HECW2: variants seen among roughly 807,000 people sequenced by gnomAD.
The protein encoded by HECW2 is HECT, C2 and WW domain containing E3 ubiquitin protein ligase 2, also known as E3 ubiquitin-protein ligase HECW2.
In HECW2, 61 loss-of-function variants were observed where a neutral mutation model predicts 175.2. The ratio of observed to expected loss-of-function variants is 0.35; its 90% CI spans 0.28 to 0.43. HECW2 has a LOEUF of 0.43. HECW2 is among the 20% of genes least tolerant of loss of function. HECW2 has a pLI of 1.00. For synonymous variants in HECW2, 671 were observed against 731.0 expected, an observed-to-expected ratio of 0.92 and a Z score of 1.32; for missense variants, 1,524 against 2,000.5, an observed-to-expected ratio of 0.76 and a Z score of 4.54.
At chr2:196,384,985 C>G (rs1276363587) in intron 2 of HECW2, among the ~76,000 whole-genome samples, 1 of 152,026 alleles carries the variant, frequency 6.6e-6, no homozygotes, top group Non-Finnish European at 1.5e-5. Flanking sequence ...GGCACAATCA[C>G]AGCTCACTGC....
intron 1 of HECW2, among the ~76,000 whole-genome samples, chr2:196,486,831 C>T (rs187534193): frequency 2.1e-4 from 32 of 152,250 alleles, no homozygotes; most frequent in African/African-American, 6.5e-4. Flanking sequence ...AGCAGCTTCA[C>T]CTCTATTCAC....
chr2:196,495,304 G>T (rs181416460), intron 1 of HECW2, among the ~76,000 whole-genome samples: 3 of 152,220 alleles, frequency 2.0e-5, no homozygotes, highest in Admixed American at 6.5e-5. Flanking sequence ...CCGATCTCGT[G>T]ATCTGTCCAC....
At chr2:196,584,649 C>T (rs1690912897) in intron 1 of HECW2, among the ~76,000 whole-genome samples, 1 of 151,934 alleles carries the variant, frequency 6.6e-6, no homozygotes, top group Non-Finnish European at 1.5e-5. Flanking sequence ...CTTAGCATCC[C>T]CAGTTCTCTA....
At chr2:196,418,212 T>A (rs1695308381) in intron 2 of HECW2, among the ~76,000 whole-genome samples, 1 of 151,918 alleles carries the variant, frequency 6.6e-6, no homozygotes, top group Non-Finnish European at 1.5e-5. Flanking sequence ...CACTGCAAGC[T>A]CTGCCTCCCG....
intron 1 of HECW2, among the ~76,000 whole-genome samples, chr2:196,451,771 T>C (rs186727177): frequency 1.3e-5 from 2 of 152,234 alleles, no homozygotes; most frequent in East Asian, 3.9e-4. Context: ...TGGTGGCACA[T>C]ACTTCTAATC....
chr2:196,331,918 G>A (rs1692375498), intron 4 of HECW2, among the ~76,000 whole-genome samples: 1 of 152,078 alleles, frequency 6.6e-6, no homozygotes, highest in Non-Finnish European at 1.5e-5. Flanking sequence ...ATTCATTCCA[G>A]GAAAACCCAG....
chr2:196,384,531 G>A (rs1291136454), intron 2 of HECW2, among the ~76,000 whole-genome samples: 1 of 152,098 alleles, frequency 6.6e-6, no homozygotes, highest in Admixed American at 6.6e-5. Context: ...GCAGTGAGCC[G>A]AGACAGCACT....
At chr2:196,541,532 G>A (rs887309559) in intron 1 of HECW2, among the ~76,000 whole-genome samples, 1 of 152,098 alleles carries the variant, frequency 6.6e-6, no homozygotes, top group African/African-American at 2.4e-5. Context: ...AATGATGAAA[G>A]CACGGAGGAA....
intron 1 of HECW2, among the ~76,000 whole-genome samples, chr2:196,583,526 C>T (rs1415495310): frequency 1.3e-5 from 2 of 152,188 alleles, no homozygotes; most frequent in African/African-American, 4.8e-5. Context: ...CCCTGGTGAT[C>T]CTGATGCTGC....
Position 196,461,463 on chromosome 2 carries a change from A to G in HECW2, c.-35-28005T>C, listed in dbSNP as rs1351658893. Among the ~76,000 whole-genome samples the G allele has an allele frequency of 2.0e-5, 3 of 152,186 alleles. No homozygotes were observed. The East Asian group carries it at 5.8e-4, about 29-fold the overall frequency. On this transcript the variant is annotated intron_variant, in intron 1 of 28. Transcript: ENST00000644978. The stretch of plus-strand genomic sequence containing the variant: ...GGAAAACCATTTTCATACACACACC[A>G]TGCCATTCGGCTTTTCCACTCCTAA...
chr2:196,194,898 A>C lies in HECW2; in HGVS notation c.*6379T>G, dbSNP rs1686637277. 6.6e-6 allele frequency: 1 copy of C among 152,204 alleles called. No homozygotes were observed. Among genetic ancestry groups the C allele is most frequent in the Non-Finnish European group, 1.5e-5 (1 of 68,038 alleles). The allele number at this position is 152,204 out of a possible 1,614,324, so 9.4% of individuals were successfully genotyped here. A position where few individuals can be genotyped will look rare whatever the true frequency, so the allele number is the denominator to read the frequency against. On this transcript the variant is annotated 3_prime_UTR_variant, in exon 29 of 29. Transcript: ENST00000644978. ...AAAATACACCACCTGTGTTCTACTG[A>C]AATCTTAGAAATAATTTTTTTACAG...
chr2:196,444,024 G>A lies in HECW2; in HGVS notation c.-35-10566C>T, dbSNP rs553228515. Among the ~76,000 whole-genome samples, 4 of 152,312 alleles carry A rather than the reference G, an allele frequency of 2.6e-5. No homozygotes were observed. The South Asian group carries it at 6.2e-4, about 24-fold the overall frequency. On this transcript the variant is annotated intron_variant, in intron 1 of 28. Transcript: ENST00000644978. The stretch of plus-strand genomic sequence containing the variant: ...CACTCCAGCCTGGGCAACAGAGTGA[G>A]ACCCTGTGGCAAAAATAAAAACAAA...
chr2:196,475,448 C>T (rs1453779093), intron 1 of HECW2, among the ~76,000 whole-genome samples: 5 of 151,780 alleles, frequency 3.3e-5, no homozygotes, highest in South Asian at 4.2e-4. Flanking sequence ...AAAAGGAGGG[C>T]GGCTCACATA....
chr2:196,266,302 G>A (rs1281388761), intron 17 of HECW2, among the ~76,000 whole-genome samples: 2 of 151,574 alleles, frequency 1.3e-5, no homozygotes, highest in Non-Finnish European at 2.9e-5. Context: ...AGCTGTGATC[G>A]CGACACTACA....
At chr2:196,272,365 C>T (rs1252705808) in intron 16 of HECW2, among the ~76,000 whole-genome samples, 3 of 152,112 alleles carry the variant, frequency 2.0e-5, no homozygotes, top group East Asian at 1.9e-4. Flanking sequence ...TTAAGGATAC[C>T]GTTAATACTC....
chr2:196,511,002 G>T (rs1043158012), intron 1 of HECW2, among the ~76,000 whole-genome samples: 1 of 152,112 alleles, frequency 6.6e-6, no homozygotes, highest in Non-Finnish European at 1.5e-5. Flanking sequence ...GTCTCACTCT[G>T]TCGCCCAGGC....
intron 21 of HECW2, among the ~76,000 whole-genome samples, chr2:196,232,882 A>C (rs1459693781): frequency 6.6e-6 from 1 of 152,246 alleles, no homozygotes; most frequent in African/African-American, 2.4e-5. Context: ...TCAACTGGTC[A>C]AGTTTTTATC....
At chr2:196,414,477 C>T (rs1270348790) in intron 2 of HECW2, among the ~76,000 whole-genome samples, 1 of 152,196 alleles carries the variant, frequency 6.6e-6, no homozygotes, top group African/African-American at 2.4e-5. Context: ...GAGCTGGTAT[C>T]GCCATGATCT....
In HECW2 at chr2:196,285,900, A is replaced by G. The variant is rs920408399; in HGVS notation, c.3000+6665T>C. On this transcript the variant is annotated intron_variant, in intron 14 of 28. Coordinates refer to ENST00000644978, the MANE Select transcript of HECW2 (RefSeq NM_001348768.2). Reference sequence around the variant, plus strand: ...CTCTAAAGGTGCTAGGAGAGGAAACAGGGATTTGTGGTACTTGGGCCAGAG... The same window carrying G: ...CTCTAAAGGTGCTAGGAGAGGAAACGGGGATTTGTGGTACTTGGGCCAGAG... 4.6e-5 allele frequency among the ~76,000 whole-genome samples: 7 copies of G among 152,250 alleles called. No individual in the cohort carries two copies. In the South Asian group the frequency reaches 6.2e-4, roughly 13 times the overall value.
Sources: allele counts gnomAD v4.1 joint callset (sites outside exome capture counted in the v4.1 genomes callset), GRCh38; gene constraint gnomAD v4.1.1; transcripts MANE v1.5; gene names NCBI Gene and HGNC (gene_info 2026-07-23, HGNC 2026-07-21).